ELP2: variants seen among roughly 807,000 people sequenced by gnomAD.
The protein encoded by ELP2 is elongator complex protein 2.
A neutral mutation model predicts 119.2 loss-of-function variants in ELP2; 90 were observed. The observed-to-expected ratio is 0.75, with a 90% CI of 0.64 to 0.90. The LOEUF (loss-of-function observed/expected upper bound fraction) is 0.90. Ranked by LOEUF, ELP2 falls within the 40% of genes least tolerant of loss-of-function variation. ELP2 has a pLI of 0.00. For synonymous variants in ELP2, 339 were observed against 331.0 expected (o/e 1.02, Z -0.26); for missense variants, 921 against 967.8 (o/e 0.95, Z 0.64).
At chr18:36,144,727 A>G (rs773910503) in intron 8 of ELP2, among the ~76,000 whole-genome samples, 1 of 152,236 alleles carries the variant, frequency 6.6e-6, no homozygotes, top group South Asian at 2.1e-4. Flanking sequence ...CTAGAACAGA[A>G]TATAAGGAAA....
chr18:36,174,461 A>G (rs770134040), intron 21 of ELP2, 24 bp from the exon 22 acceptor site: 24 of 1,610,212 alleles, frequency 1.5e-5, no homozygotes, highest in South Asian at 1.1e-4. Flanking sequence ...AAAACATTTC[A>G]TGATTTCTCT....
chr18:36,137,959 T>C (rs1402967137), intron 3 of ELP2: 5 of 324,312 alleles, frequency 1.5e-5, no homozygotes, highest in Non-Finnish European at 2.9e-5. Flanking sequence ...GCTGTCAAAA[T>C]GTATATTCTG....
Position 36,159,955 on chromosome 18 carries a change from T to C in ELP2, c.1631-3T>C, listed in dbSNP as rs376954373. 3 of 1,613,952 alleles carry C rather than the reference T, an allele frequency of 1.9e-6. No individual in the cohort carries two copies. The highest frequency in any genetic ancestry group is 2.7e-5 in the African/African-American group (2 of 74,932). On this transcript the variant is annotated splice_region_variant and splice_polypyrimidine_tract_variant and intron_variant, in intron 15 of 21. Transcript: ENST00000358232. ...AGAAAAAAATAGCTTCAATTTATTC[T>C]AGAGCCTCCCACTGAGGATCATCTT...
Position 36,129,945 on chromosome 18 carries a change from C to A in ELP2, c.12C>A (p.Pro4=), listed in dbSNP as rs200956214. ...GACCAGTTGGCGACATGGTGGCACCCGTGCTGGAGACTTCTCACGTGTTTT... is the reference window on the plus strand; with the variant it reads ...GACCAGTTGGCGACATGGTGGCACCAGTGCTGGAGACTTCTCACGTGTTTT... MVA[P]VLETSHVFCC... Residue 4 remains proline (P), a synonymous_variant, in exon 1 of 22, where the codon CCC becomes CCA. Coordinates refer to ENST00000358232, the MANE Select transcript of ELP2 (RefSeq NM_018255.4). 3.1e-6 allele frequency: 5 copies of A among 1,614,204 alleles called. No homozygotes were observed. The highest frequency in any genetic ancestry group is 1.7e-5 in the Admixed American group (1 of 60,022).
chr18:36,138,539 C>A, intron 4 of ELP2, 113 bp downstream of exon 4: 6 of 1,199,878 alleles, frequency 5.0e-6, no homozygotes, highest in Non-Finnish European at 7.1e-6. Flanking sequence ...TTTAAAAATA[C>A]TATAATTCTA....
At chr18:36,144,793 A>G in intron 8 of ELP2, 146 bp from the exon 9 acceptor site, 1 of 641,942 alleles carries the variant, frequency 1.6e-6, no homozygotes, top group Non-Finnish European at 2.7e-6. Context: ...GAAGAAATTT[A>G]GAATGCATGT....
intron 17 of ELP2, 112 bp from the exon 18 acceptor site, chr18:36,164,359 TGGAA>T: frequency 1.0e-6 from 1 of 961,682 alleles, no homozygotes. Context: ...GAATTTTTTT[TGGAA>T]TTCAAACAGA....
chr18:36,145,326 A>G, intron 9 of ELP2: 1 of 375,176 alleles, frequency 2.7e-6, no homozygotes, highest in Non-Finnish European at 5.0e-6. Flanking sequence ...GATTGAAGAA[A>G]AACTGACTTT....
intron 3 of ELP2, 134 bp downstream of exon 3, chr18:36,136,511 G>A (rs2089831886): frequency 4.0e-6 from 3 of 750,832 alleles, no homozygotes; most frequent in Admixed American, 3.8e-5. Flanking sequence ...CTAAGTAGCT[G>A]GGACTACAGG....
At chr18:36,149,189 C>A (rs138836917) in intron 11 of ELP2, among the ~76,000 whole-genome samples, 133 of 152,358 alleles carry the variant, frequency 8.7e-4, no homozygotes, top group African/African-American at 3.1e-3. Context: ...TCCATTAATA[C>A]CCAAAGCTTT....
intron 8 of ELP2, among the ~76,000 whole-genome samples, chr18:36,144,485 A>C (rs892246771): frequency 6.6e-6 from 1 of 152,104 alleles, no homozygotes; most frequent in African/African-American, 2.4e-5. Context: ...CTCCCACCAG[A>C]TCCTTCCCTT....
intron 18 of ELP2, chr18:36,164,965 T>G: frequency 2.7e-6 from 1 of 370,964 alleles, no homozygotes. Context: ...GTTTTGCAAA[T>G]GGTGATAGAA....
chr18:36,172,243 G>A (rs2091102713), intron 21 of ELP2, among the ~76,000 whole-genome samples: 1 of 152,082 alleles, frequency 6.6e-6, no homozygotes, highest in Non-Finnish European at 1.5e-5. Context: ...CTCCAGCCTG[G>A]GTGAGTGAGA....
intron 1 of ELP2, 77 bp downstream of exon 1, chr18:36,130,148 G>C: frequency 6.3e-7 from 1 of 1,595,474 alleles, no homozygotes; most frequent in Non-Finnish European, 8.6e-7. Context: ...CGCGCTGTTA[G>C]TTGCCGCCCC....
chr18:36,155,746 C>T (rs1449452681), intron 12 of ELP2, among the ~76,000 whole-genome samples: 1 of 152,068 alleles, frequency 6.6e-6, no homozygotes, highest in Non-Finnish European at 1.5e-5. Context: ...GCTCTGTTGC[C>T]TAGTTTCGTT....
At chr18:36,154,420 C>G (rs3826604) in intron 11 of ELP2, among the ~76,000 whole-genome samples, 12,540 of 152,218 alleles carry the variant, frequency 0.082, 621 homozygotes, top group East Asian at 0.14. Flanking sequence ...AATATTTTTA[C>G]ATTTTATACA....
intron 1 of ELP2, among the ~76,000 whole-genome samples, chr18:36,131,740 C>G (rs1303177661): frequency 3.3e-5 from 5 of 152,172 alleles, no homozygotes; most frequent in Non-Finnish European, 2.9e-5. Context: ...ATGTACTTAA[C>G]ACACTGAAAT....
At position 36,177,689 on chromosome 18, in the gene ELP2, C is replaced by T. The variant is rs2091256801; in HGVS notation, c.*3048C>T. The T allele has an allele frequency of 6.6e-6, 1 of 151,870 alleles. No homozygotes were observed. Among genetic ancestry groups the T allele is most frequent in the Non-Finnish European group, 1.5e-5 (1 of 67,990 alleles). 9.4% of individuals were successfully genotyped at this position (151,870 alleles called of 1,614,324 possible). ...GTTTTTTTTAAAGCATGGTAAACAC[C>T]ATTTCCCAGGATGTAAATCGGTACT... On this transcript the variant is annotated 3_prime_UTR_variant, in exon 22 of 22. Coordinates refer to ENST00000358232, the MANE Select transcript of ELP2 (RefSeq NM_018255.4).
At chr18:36,133,438 G>A in intron 2 of ELP2, 122 bp downstream of exon 2, 1 of 737,736 alleles carries the variant, frequency 1.4e-6, no homozygotes, top group Non-Finnish European at 2.4e-6. Flanking sequence ...TGCAATTGGA[G>A]AAACAAGAAA....
Sources: gnomAD v4.1 joint callset for allele counts (sites outside exome capture counted in the v4.1 genomes callset) on GRCh38, gnomAD v4.1.1 for gene constraint, MANE v1.5 for transcripts, NCBI Gene and HGNC (gene_info 2026-07-23, HGNC 2026-07-21) for gene names.